ATP9B: variants seen among roughly 807,000 people sequenced by gnomAD.
ATP9B encodes the protein ATPase phospholipid transporting 9B.
A neutral mutation model predicts 146.1 loss-of-function variants in ATP9B; 110 were observed. The ratio of observed to expected loss-of-function variants is 0.75; its 90% CI spans 0.65 to 0.88. The LOEUF is 0.88. Among genes scored for constraint, ATP9B ranks in the 40% least tolerant of loss-of-function variants. The pLI is 0.00. For synonymous variants in ATP9B, 604 were observed against 569.7 expected (o/e 1.06, Z -0.86); for missense variants, 1,499 against 1,496.4 (o/e 1.00, Z -0.03).
intron 5 of ATP9B, among the ~76,000 whole-genome samples, chr18:79,135,776 A>G (rs1431234651): frequency 6.6e-6 from 1 of 151,912 alleles, no homozygotes; most frequent in African/African-American, 2.4e-5. Context: ...AAGTTTTTTT[A>G]GTTTTAGGAA....
chr18:79,330,504 C>T (rs1481819356), intron 17 of ATP9B, among the ~76,000 whole-genome samples: 4 of 151,916 alleles, frequency 2.6e-5, no homozygotes, highest in Admixed American at 2.6e-4. Context: ...CCTGCACTTC[C>T]CAGGTTCAAG....
chr18:79,185,723 A>T (rs961172163), intron 8 of ATP9B, among the ~76,000 whole-genome samples: 1 of 152,192 alleles, frequency 6.6e-6, no homozygotes, highest in Non-Finnish European at 1.5e-5. Context: ...TTCATGTAAT[A>T]GCTTATGCCC....
Position 79,347,834 on chromosome 18 carries a change from T to A in ATP9B, c.2747T>A (p.Leu916Gln), listed in dbSNP as rs1245594011. 9.3e-6 allele frequency: 15 copies of A among 1,613,478 alleles called. No individual in the cohort carries two copies. Among genetic ancestry groups the A allele is most frequent in the Non-Finnish European group, 1.3e-5 (15 of 1,179,706 alleles). The change falls in exon 24 of 30, where the codon CTG becomes CAG. Residue 916 changes from leucine to glutamine, a missense_variant. Physicochemically the swap from Leu to Gln is moderately radical, Grantham distance 113. Transcript: ENST00000426216. ...SITQFRHIGRLLMVHGRNSYK... is the reference protein window; with the variant it reads ...SITQFRHIGRQLMVHGRNSYK... ...ACGCAGTTCCGGCACATAGGCAGGC[T>A]GCTCATGGTGCACGGGCGGAACAGC... is the stretch of plus-strand genomic sequence containing the variant.
intron 4 of ATP9B, among the ~76,000 whole-genome samples, chr18:79,119,155 ATAAAG>A (rs760829727): frequency 1.3e-5 from 2 of 151,918 alleles, no homozygotes; most frequent in Non-Finnish European, 2.9e-5. Context: ...ATTCTTCTTA[ATAAAG>A]TAAAGCAAAT....
chr18:79,146,959 A>C (rs757277305), intron 6 of ATP9B: 3 of 152,268 alleles, frequency 2.0e-5, no homozygotes, highest in Non-Finnish European at 4.4e-5. Flanking sequence ...TGTTGTGTGC[A>C]CGAAAGTCTC....
intron 11 of ATP9B, among the ~76,000 whole-genome samples, chr18:79,248,952 C>T (rs1485797728): frequency 6.6e-6 from 1 of 152,078 alleles, no homozygotes; most frequent in Non-Finnish European, 1.5e-5. Context: ...ACGTCTGCTC[C>T]AATTTGCCGT....
At chr18:79,274,417 G>A (rs1568550930) in intron 12 of ATP9B, among the ~76,000 whole-genome samples, 1 of 152,148 alleles carries the variant, frequency 6.6e-6, no homozygotes, top group Non-Finnish European at 1.5e-5. Flanking sequence ...TCTGTATGTA[G>A]TATTAAATGC....
chr18:79,320,703 C>T (rs181445778), intron 15 of ATP9B, among the ~76,000 whole-genome samples: 8 of 152,142 alleles, frequency 5.3e-5, no homozygotes, highest in Non-Finnish European at 7.4e-5. Context: ...ACTCCCACCC[C>T]CCTCCAGCCC....
At chr18:79,154,622 A>G (rs1450117460) in intron 7 of ATP9B, 67 bp downstream of exon 7, 24 of 1,073,860 alleles carry the variant, frequency 2.2e-5, no homozygotes, top group Non-Finnish European at 2.9e-5. Flanking sequence ...ACAAATATCT[A>G]TACAAGGAAA....
At chr18:79,244,712 C>T (rs1380209988) in intron 11 of ATP9B, among the ~76,000 whole-genome samples, 1 of 152,098 alleles carries the variant, frequency 6.6e-6, no homozygotes, top group East Asian at 1.9e-4. Context: ...AGACTTGCTA[C>T]ATTCAGGGTA....
chr18:79,087,741 T>A (rs1315366560), intron 1 of ATP9B: 2 of 152,250 alleles, frequency 1.3e-5, no homozygotes, highest in Non-Finnish European at 2.9e-5. Context: ...AACTTATGTG[T>A]AACTTATGTG....
chr18:79,317,260 T>C (rs994716228), intron 15 of ATP9B, among the ~76,000 whole-genome samples: 1 of 152,056 alleles, frequency 6.6e-6, no homozygotes, highest in Admixed American at 6.5e-5. Flanking sequence ...AAATGATAAA[T>C]TGAATATCAG....
intron 12 of ATP9B, among the ~76,000 whole-genome samples, chr18:79,262,774 G>A (rs183087138): frequency 1.8e-4 from 27 of 152,272 alleles, no homozygotes; most frequent in Non-Finnish European, 3.4e-4. Context: ...CTTAGCACCC[G>A]TATCTTCACC....
intron 26 of ATP9B, among the ~76,000 whole-genome samples, chr18:79,366,267 C>T (rs2097028256): frequency 6.6e-6 from 1 of 152,182 alleles, no homozygotes; most frequent in Non-Finnish European, 1.5e-5. Flanking sequence ...CCTGACCGTG[C>T]CTCTCTCAGA....
intron 26 of ATP9B, among the ~76,000 whole-genome samples, chr18:79,370,324 G>A (rs2097061664): frequency 6.6e-6 from 1 of 152,150 alleles, no homozygotes; most frequent in Non-Finnish European, 1.5e-5. Context: ...CACAGAGGAG[G>A]GAACTGAGGC....
intron 17 of ATP9B, among the ~76,000 whole-genome samples, chr18:79,334,604 G>A (rs954599859): frequency 6.6e-6 from 1 of 151,460 alleles, no homozygotes; most frequent in African/African-American, 2.4e-5. Flanking sequence ...TCTCCTGACA[G>A]CCCCGACACC....
At chr18:79,217,832 C>T (rs944512447) in intron 11 of ATP9B, among the ~76,000 whole-genome samples, 1 of 152,156 alleles carries the variant, frequency 6.6e-6, no homozygotes, top group Non-Finnish European at 1.5e-5. Flanking sequence ...CTGGTGCAAA[C>T]AAAACGGTAA....
chr18:79,304,846 G>C (rs766348653), intron 14 of ATP9B, among the ~76,000 whole-genome samples: 41 of 152,208 alleles, frequency 2.7e-4, no homozygotes, highest in Non-Finnish European at 5.3e-4. Context: ...AGCAGACAAG[G>C]CTGCAGTGTG....
intron 11 of ATP9B, among the ~76,000 whole-genome samples, chr18:79,250,762 G>A (rs544808202): frequency 1.3e-5 from 2 of 152,226 alleles, no homozygotes; most frequent in Admixed American, 6.5e-5. Flanking sequence ...CCGCAGCAGC[G>A]TTGGGAACTT....
Sources: allele counts gnomAD v4.1 joint callset (sites outside exome capture counted in the v4.1 genomes callset), GRCh38; gene constraint gnomAD v4.1.1; transcripts MANE v1.5; gene names NCBI Gene and HGNC (gene_info 2026-07-23, HGNC 2026-07-21).